The following KHDRBS2 variants were observed in gnomAD, a reference collection of about 807,000 sequenced individuals.
The protein encoded by KHDRBS2 is KH RNA binding domain containing, signal transduction associated 2.
In KHDRBS2, 26 loss-of-function variants were observed where a neutral mutation model predicts 44.3. That is an observed-to-expected ratio of 0.59 (90% CI 0.43 to 0.81). The LOEUF is 0.81. Ranked by LOEUF, KHDRBS2 falls within the 40% of genes least tolerant of loss-of-function variation. KHDRBS2 has a pLI of 0.00. For missense variants in KHDRBS2, 476 were observed against 433.1 expected (o/e 1.10, Z -0.88); for synonymous variants, 194 against 151.1 (o/e 1.28, Z -2.08).
At chr6:61,765,806 ATATG>A (rs1779923465) in intron 6 of KHDRBS2, among the ~76,000 whole-genome samples, 1 of 152,120 alleles carries the variant, frequency 6.6e-6, no homozygotes, top group African/African-American at 2.4e-5. Context: ...ATTGATTTGC[ATATG>A]TTGAATCATC....
At chr6:61,905,414 C>T (rs887963486) in intron 4 of KHDRBS2, among the ~76,000 whole-genome samples, 8 of 149,988 alleles carry the variant, frequency 5.3e-5, no homozygotes, top group South Asian at 2.1e-4. Flanking sequence ...AATAGCTAGA[C>T]GTATAATGAC....
chr6:61,923,931 A>C (rs964127207), intron 4 of KHDRBS2, among the ~76,000 whole-genome samples: 1 of 152,120 alleles, frequency 6.6e-6, no homozygotes, highest in African/African-American at 2.4e-5. Context: ...AGTAAATAGA[A>C]GCCATTAGTA....
chr6:62,041,879 T>C (rs1312239416), intron 3 of KHDRBS2, among the ~76,000 whole-genome samples: 2 of 152,086 alleles, frequency 1.3e-5, no homozygotes, highest in African/African-American at 4.8e-5. Context: ...GATAACTTTA[T>C]GGCTTTTTTT....
At chr6:62,124,422 A>G (rs1808456044) in intron 2 of KHDRBS2, among the ~76,000 whole-genome samples, 1 of 152,206 alleles carries the variant, frequency 6.6e-6, no homozygotes. Flanking sequence ...ACTTTAAACC[A>G]GGTGCTGTGG....
intron 6 of KHDRBS2, among the ~76,000 whole-genome samples, chr6:61,858,575 C>T (rs1183475453): frequency 1.3e-5 from 2 of 152,040 alleles, no homozygotes; most frequent in Admixed American, 6.6e-5. Context: ...TCTTACTTTA[C>T]AAACAACAAT....
At chr6:62,082,378 A>G (rs1459597599) in intron 2 of KHDRBS2, among the ~76,000 whole-genome samples, 1 of 151,714 alleles carries the variant, frequency 6.6e-6, no homozygotes. Flanking sequence ...AAGAATTCCT[A>G]GGAATATTTT....
intron 1 of KHDRBS2, among the ~76,000 whole-genome samples, chr6:62,268,739 A>G (rs1839607498): frequency 6.6e-6 from 1 of 152,010 alleles, no homozygotes; most frequent in Non-Finnish European, 1.5e-5. Flanking sequence ...TACTCAGGAC[A>G]GTGCAGTGCT....
intron 8 of KHDRBS2, among the ~76,000 whole-genome samples, chr6:61,691,389 A>G (rs1767379379): frequency 6.6e-6 from 1 of 152,100 alleles, no homozygotes; most frequent in African/African-American, 2.4e-5. Context: ...GAGAAAGCTA[A>G]TTTTAAAATT....
At chr6:61,977,004 C>A (rs1474101454) in intron 4 of KHDRBS2, among the ~76,000 whole-genome samples, 3 of 152,028 alleles carry the variant, frequency 2.0e-5, no homozygotes, top group African/African-American at 7.2e-5. Context: ...TATTCTATAA[C>A]CTTGCCTTGA....
intron 6 of KHDRBS2, among the ~76,000 whole-genome samples, chr6:61,775,666 T>C (rs1781840731): frequency 6.6e-6 from 1 of 152,184 alleles, no homozygotes; most frequent in African/African-American, 2.4e-5. Flanking sequence ...TGGAAGAACA[T>C]TCCATGCTCA....
the KHDRBS2 span, among the ~76,000 whole-genome samples, chr6:61,634,751 A>G: frequency 2.2e-4 from 34 of 152,078 alleles, no homozygotes; most frequent in Non-Finnish European, 4.4e-4. Flanking sequence ...TTAATATTCA[A>G]TAGGATAATT....
At chr6:62,063,495 A>G (rs1792617293) in intron 2 of KHDRBS2, among the ~76,000 whole-genome samples, 1 of 151,138 alleles carries the variant, frequency 6.6e-6, no homozygotes, top group South Asian at 2.1e-4. Context: ...CAATAAATGT[A>G]ATCCAGCATA....
At chr6:62,048,999 C>G (rs1412322243) in intron 2 of KHDRBS2, among the ~76,000 whole-genome samples, 1 of 149,976 alleles carries the variant, frequency 6.7e-6, no homozygotes, top group Non-Finnish European at 1.5e-5. Context: ...TCTCTTTTTT[C>G]TTTCTGCCAT....
At chr6:62,162,374 T>C (rs1472570632) in intron 2 of KHDRBS2, among the ~76,000 whole-genome samples, 5 of 152,052 alleles carry the variant, frequency 3.3e-5, no homozygotes, top group Admixed American at 2.0e-4. Context: ...TGACAGTATT[T>C]TCATTTTAGC....
chr6:61,570,828 T>A, the KHDRBS2 span, among the ~76,000 whole-genome samples: 1 of 152,036 alleles, frequency 6.6e-6, no homozygotes, highest in African/African-American at 2.4e-5. Context: ...CTAAGCTTCA[T>A]AAACAAAGGA....
At chr6:62,071,666 T>C (rs898138867) in intron 2 of KHDRBS2, among the ~76,000 whole-genome samples, 16 of 152,186 alleles carry the variant, frequency 1.1e-4, no homozygotes, top group African/African-American at 3.4e-4. Flanking sequence ...TGTGGCATTA[T>C]TTCTGAGAGC....
chr6:61,801,717 G>T (rs1786315771), intron 6 of KHDRBS2, among the ~76,000 whole-genome samples: 1 of 152,006 alleles, frequency 6.6e-6, no homozygotes, highest in South Asian at 2.1e-4. Flanking sequence ...TTGTTACAAT[G>T]GCTTTATAGC....
intron 6 of KHDRBS2, among the ~76,000 whole-genome samples, chr6:61,887,783 AT>A (rs1389112432): frequency 6.6e-6 from 1 of 152,126 alleles, no homozygotes; most frequent in African/African-American, 2.4e-5. Flanking sequence ...TGGTGCTATT[AT>A]TTTGTTATTG....
At chr6:62,238,232 T>A (rs984829459) in intron 1 of KHDRBS2, among the ~76,000 whole-genome samples, 1 of 152,156 alleles carries the variant, frequency 6.6e-6, no homozygotes, top group African/African-American at 2.4e-5. Context: ...AAAATATGCA[T>A]CTTTGTGTAC....
Sources: gnomAD v4.1 joint callset for allele counts (sites outside exome capture counted in the v4.1 genomes callset) on GRCh38, gnomAD v4.1.1 for gene constraint, MANE v1.5 for transcripts, NCBI Gene and HGNC (gene_info 2026-07-23, HGNC 2026-07-21) for gene names.